The following CNTN5 variants were observed in gnomAD, a reference collection of about 807,000 sequenced individuals.
The protein encoded by CNTN5 is contactin-5.
CNTN5 carries 77 observed loss-of-function variants against 129.1 expected under a neutral mutation model. The observed-to-expected ratio is 0.60, with a 90% CI of 0.50 to 0.72. CNTN5 has a LOEUF of 0.72. Ranked by LOEUF, CNTN5 falls within the 30% of genes least tolerant of loss-of-function variation. CNTN5 has a pLI of 0.00. For synonymous variants in CNTN5, 509 were observed against 465.6 expected, an observed-to-expected ratio of 1.09 and a Z score of -1.20; for missense variants, 1,478 against 1,328.8, an observed-to-expected ratio of 1.11 and a Z score of -1.75.
intron 13 of CNTN5, among the ~76,000 whole-genome samples, chr11:100,119,542 A>C (rs1945947381): frequency 6.6e-6 from 1 of 151,912 alleles, no homozygotes; most frequent in Non-Finnish European, 1.5e-5. Flanking sequence ...TTTCCTAGAA[A>C]AGTAATTTTA....
Position 99,788,416 on chromosome 11 carries a change from G to A in CNTN5, c.56-31128G>A, listed in dbSNP as rs928320328. Among the ~76,000 whole-genome samples the A allele has an allele frequency of 4.6e-5, 7 of 151,894 alleles. No homozygotes were observed. In the South Asian group the frequency reaches 1.2e-3, roughly 27 times the overall value. On this transcript the variant is annotated intron_variant, in intron 3 of 24. Coordinates refer to ENST00000524871, the MANE Select transcript of CNTN5 (RefSeq NM_014361.4). ...ACGCTCAAAGACAGGACTTATTTCG[G>A]TATATAAATTTTTGTATACCTATAG...
At chr11:100,153,144 A>G (rs1947123545) in intron 13 of CNTN5, among the ~76,000 whole-genome samples, 1 of 152,166 alleles carries the variant, frequency 6.6e-6, no homozygotes, top group South Asian at 2.1e-4. Flanking sequence ...TCCAGCTAGT[A>G]TCAAATAATC....
chr11:99,649,076 G>T (rs1301143962), intron 3 of CNTN5, among the ~76,000 whole-genome samples: 4 of 150,596 alleles, frequency 2.7e-5, no homozygotes, highest in African/African-American at 7.4e-5. Context: ...AACAAAAAAT[G>T]ATAAATATTT....
intron 1 of CNTN5, among the ~76,000 whole-genome samples, chr11:99,038,011 ATAATT>A (rs998568653): frequency 1.3e-5 from 2 of 152,168 alleles, no homozygotes; most frequent in African/African-American, 2.4e-5. Flanking sequence ...AATTTAGAGC[ATAATT>A]TAATTTAATT....
intron 1 of CNTN5, among the ~76,000 whole-genome samples, chr11:99,114,184 C>T (rs1857930218): frequency 6.7e-6 from 1 of 149,794 alleles, no homozygotes; most frequent in Non-Finnish European, 1.5e-5. Flanking sequence ...AAATCCATTT[C>T]AGCCTTTGTC....
intron 13 of CNTN5, among the ~76,000 whole-genome samples, chr11:100,136,247 G>C (rs148656931): frequency 4.6e-5 from 4 of 86,576 alleles, no homozygotes; most frequent in African/African-American, 3.0e-4. Context: ...GGTATTCAAG[G>C]CTGGCTATTT....
At chr11:99,778,123 GT>G (rs1200627202) in intron 3 of CNTN5, among the ~76,000 whole-genome samples, 1 of 151,690 alleles carries the variant, frequency 6.6e-6, no homozygotes, top group Non-Finnish European at 1.5e-5. Context: ...CCTCTGTAGT[GT>G]TTAAGCCTTG....
At chr11:100,068,399 C>T (rs1035053453) in intron 10 of CNTN5, among the ~76,000 whole-genome samples, 6 of 152,012 alleles carry the variant, frequency 3.9e-5, no homozygotes, top group African/African-American at 9.7e-5. Flanking sequence ...AACACTGAAT[C>T]GTGAGTAGAA....
intron 16 of CNTN5, among the ~76,000 whole-genome samples, chr11:100,253,921 C>T (rs1298125562): frequency 6.7e-6 from 1 of 149,898 alleles, no homozygotes; most frequent in Non-Finnish European, 1.5e-5. Context: ...ACAATTCCTA[C>T]TCTTATATTT....
chr11:99,620,918 C>T (rs1165297732), intron 3 of CNTN5, among the ~76,000 whole-genome samples: 2 of 121,584 alleles, frequency 1.6e-5, no homozygotes, highest in East Asian at 5.2e-4. Context: ...TCTAACTATA[C>T]TTAGAATTTT....
At chr11:99,855,474 T>G (rs1351786602) in intron 6 of CNTN5, among the ~76,000 whole-genome samples, 1 of 152,118 alleles carries the variant, frequency 6.6e-6, no homozygotes, top group East Asian at 1.9e-4. Context: ...CAAATTAAAG[T>G]ACTAGGTATC....
chr11:99,737,297 C>T (rs1331123346), intron 3 of CNTN5, among the ~76,000 whole-genome samples: 1 of 152,112 alleles, frequency 6.6e-6, no homozygotes, highest in Non-Finnish European at 1.5e-5. Context: ...TTATTGTTCT[C>T]CTGAAGCTCC....
intron 21 of CNTN5, among the ~76,000 whole-genome samples, chr11:100,313,149 AG>A (rs1951505175): frequency 6.6e-6 from 1 of 152,048 alleles, no homozygotes; most frequent in African/African-American, 2.4e-5. Flanking sequence ...CAATTTAAGG[AG>A]GGAAGTCACA....
chr11:100,322,266 A>T (rs1005970281), intron 21 of CNTN5, among the ~76,000 whole-genome samples: 1 of 151,130 alleles, frequency 6.6e-6, no homozygotes, highest in Non-Finnish European at 1.5e-5. Flanking sequence ...TCTGTCGCCC[A>T]GGCTGGAGTG....
intron 2 of CNTN5, among the ~76,000 whole-genome samples, chr11:99,542,676 C>G (rs891981578): frequency 6.6e-5 from 10 of 152,162 alleles, no homozygotes; most frequent in African/African-American, 1.4e-4. Flanking sequence ...GGCAAAATCA[C>G]CTCTGGTGGA....
rs534409318 is a variant in CNTN5 at position 99,043,306 on chromosome 11, C to T, written c.-210+22036C>T. ...CCCCTCCCCCCACCCCACCACAGTCCCCAGAGTGTGATATTCCCCTTCCTG... is the reference window on the plus strand; with the variant it reads ...CCCCTCCCCCCACCCCACCACAGTCTCCAGAGTGTGATATTCCCCTTCCTG... On this transcript the variant is annotated intron_variant, in intron 1 of 24. Transcript: ENST00000524871. Among the ~76,000 whole-genome samples, 24 of 132,408 alleles carry T rather than the reference C, an allele frequency of 1.8e-4. No individual in the cohort carries two copies. In the South Asian group the frequency reaches 6.8e-3, roughly 37 times the overall value. 86.9% of individuals were successfully genotyped at this position (132,408 alleles called of 152,430 possible).
chr11:99,839,112 TAAAAC>T lies in CNTN5; in HGVS notation c.278-5736_278-5732del, dbSNP rs200804110. On this transcript the variant is annotated intron_variant, in intron 4 of 24. Coordinates refer to ENST00000524871, the MANE Select transcript of CNTN5 (RefSeq NM_014361.4). ...TTATATCATTATTTTGAAATACAAT[TAAAAC>T]AAACAAGATTAAAAAGGAGGCATGA... Among the ~76,000 whole-genome samples the T allele has an allele frequency of 8.4e-3, 1,279 of 151,782 alleles. 15 individuals are homozygous for T. The highest frequency in any genetic ancestry group is 0.029 in the African/African-American group (1,195 of 41,388).
At chr11:99,580,947 C>G (rs1161423944) in intron 3 of CNTN5, among the ~76,000 whole-genome samples, 1 of 145,998 alleles carries the variant, frequency 6.8e-6, no homozygotes, top group Non-Finnish European at 1.5e-5. Context: ...TAGATCTTTC[C>G]TGCTTTCTCT....
At chr11:99,249,566 T>G (rs2135786483) in intron 1 of CNTN5, among the ~76,000 whole-genome samples, 1 of 152,174 alleles carries the variant, frequency 6.6e-6, no homozygotes, top group African/African-American at 2.4e-5. Context: ...TACAGTAGAT[T>G]ATTGAGCACA....
Sources: allele counts gnomAD v4.1 joint callset (sites outside exome capture counted in the v4.1 genomes callset), GRCh38; gene constraint gnomAD v4.1.1; transcripts MANE v1.5; gene names NCBI Gene and HGNC (gene_info 2026-07-23, HGNC 2026-07-21).